SCML2: variants seen among roughly 807,000 people sequenced by gnomAD.
SCML2 encodes sex comb on midleg-like protein 2.
A neutral mutation model predicts 48.4 loss-of-function variants in SCML2; 6 were observed. That is an observed-to-expected ratio of 0.12 (90% confidence interval 0.07 to 0.24). The LOEUF (loss-of-function observed/expected upper bound fraction) is 0.24. SCML2 is among the 10% of genes least tolerant of loss of function. The probability of loss-of-function intolerance (pLI) is 1.00; values close to 1 mark genes in which losing one functional copy is unlikely to be tolerated. For synonymous variants in SCML2, 181 were observed against 189.5 expected (o/e 0.95, Z 0.37); for missense variants, 377 against 528.2 (o/e 0.71, Z 2.81).
chrX:18,264,733 T>G (rs1028569224), intron 8 of SCML2, among the ~76,000 whole-genome samples: 1 of 111,688 alleles, frequency 9.0e-6, no homozygotes, highest in Non-Finnish European at 1.9e-5. Context: ...TTACCTTGGC[T>G]GGACTTGAAC....
intron 3 of SCML2, among the ~76,000 whole-genome samples, chrX:18,328,546 C>T (rs752918838): frequency 1.8e-5 from 2 of 111,219 alleles, no homozygotes; most frequent in East Asian, 5.7e-4. Context: ...GTAGTGCACG[C>T]CTGTGGTCCC....
At chrX:18,245,853 C>T (rs769393398) in intron 13 of SCML2, among the ~76,000 whole-genome samples, 4 of 111,923 alleles carry the variant, frequency 3.6e-5, no homozygotes, top group African/African-American at 6.5e-5. Context: ...GATTCTCCTG[C>T]CTCGGGCTCC....
chrX:18,257,943 G>T, intron 10 of SCML2, 101 bp downstream of exon 10: 1 of 500,386 alleles, frequency 2.0e-6, no homozygotes, highest in Admixed American at 3.3e-5. Context: ...GGAGGGGAAA[G>T]GGGAAGGGGA....
intron 9 of SCML2, 36 bp from the exon 10 acceptor site, chrX:18,258,283 G>C (rs372416929): frequency 1.8e-6 from 2 of 1,087,349 alleles, no homozygotes; most frequent in Non-Finnish European, 2.5e-6. Context: ...ATAACAATGA[G>C]ACTGATTAAA....
At chrX:18,325,226 A>G (rs1036859147) in intron 3 of SCML2, among the ~76,000 whole-genome samples, 3 of 112,094 alleles carry the variant, frequency 2.7e-5, no homozygotes, top group African/African-American at 9.7e-5. Context: ...TCTCATTGTA[A>G]TGTGGACTAC....
chrX:18,312,072 G>A (rs1225182625), intron 6 of SCML2, among the ~76,000 whole-genome samples: 2 of 112,021 alleles, frequency 1.8e-5, no homozygotes, highest in Admixed American at 9.5e-5. Context: ...GATTACAGGC[G>A]TGAGGCACCA....
upstream of SCML2, among the ~76,000 whole-genome samples, chrX:18,354,945 G>A (rs778874681): frequency 4.1e-4 from 46 of 112,045 alleles, no homozygotes; most frequent in African/African-American, 1.4e-3. Context: ...AAGCACCCGA[G>A]GCCGTGGGGA....
chrX:18,322,510 G>A (rs1929351943), intron 5 of SCML2, among the ~76,000 whole-genome samples: 1 of 111,936 alleles, frequency 8.9e-6, no homozygotes. Context: ...ACAAATAAAC[G>A]ACAAAAGACG....
intron 1 of SCML2, among the ~76,000 whole-genome samples, chrX:18,349,662 T>C (rs962290655): frequency 9.0e-6 from 1 of 111,358 alleles, no homozygotes; most frequent in African/African-American, 3.3e-5. Flanking sequence ...CTGGGCATGG[T>C]TGCGCACGCC....
chrX:18,334,544 T>C (rs960386723), intron 1 of SCML2, among the ~76,000 whole-genome samples: 1 of 111,469 alleles, frequency 9.0e-6, no homozygotes, highest in African/African-American at 3.3e-5. Flanking sequence ...TGCCAAGAGG[T>C]ACAAGAATTA....
chrX:18,315,591 A>G (rs1929095038), intron 6 of SCML2, among the ~76,000 whole-genome samples: 1 of 111,334 alleles, frequency 9.0e-6, no homozygotes, highest in Non-Finnish European at 1.9e-5. Context: ...TGGACCATAG[A>G]GGAGGGGCTC....
chrX:18,279,946 C>T (rs1208115067), intron 7 of SCML2, among the ~76,000 whole-genome samples: 3 of 111,895 alleles, frequency 2.7e-5, no homozygotes, highest in Middle Eastern at 4.6e-3. Flanking sequence ...ATATATTTGA[C>T]GATACAGTCC....
chrX:18,319,812 G>A (rs964984424), intron 6 of SCML2, among the ~76,000 whole-genome samples: 2 of 111,096 alleles, frequency 1.8e-5, no homozygotes, highest in African/African-American at 6.6e-5. Context: ...GAGGTCATAA[G>A]GGTCGGCCTC....
intron 11 of SCML2, among the ~76,000 whole-genome samples, chrX:18,253,712 CTATT>C (rs1926744045): frequency 9.0e-6 from 1 of 111,391 alleles, no homozygotes; most frequent in Admixed American, 9.6e-5. Context: ...CATGATAACA[CTATT>C]TATAAGAGTA....
chrX:18,305,366 A>C, intron 6 of SCML2, 151 bp from the exon 7 acceptor site: 1 of 473,173 alleles, frequency 2.1e-6, no homozygotes, highest in Non-Finnish European at 3.5e-6. Flanking sequence ...GGAAGACAAC[A>C]GTTCTCACAG....
rs147024393 is a variant in SCML2 at position 18,349,516 on chromosome X, C to T, written c.-25+5076G>A. The stretch of plus-strand genomic sequence containing the variant: ...TATGTTAACACCTCTCCAGGCTGGG[C>T]GTGGTGGCTCACGCCTGTAATCCCA... On this transcript the variant is annotated intron_variant, in intron 1 of 14. Transcript: ENST00000251900. 8.2e-3 allele frequency among the ~76,000 whole-genome samples: 922 copies of T among 112,980 alleles called. 8 individuals are homozygous for T. The highest frequency in any genetic ancestry group is 0.027 in the African/African-American group (845 of 31,161).
At chrX:18,334,135 A>G in intron 1 of SCML2, 40 bp from the exon 2 acceptor site, 1 of 968,763 alleles carries the variant, frequency 1.0e-6, no homozygotes, top group Admixed American at 2.6e-5. Flanking sequence ...CTTTTAGCAT[A>G]TTAGATTTCT....
At chrX:18,354,327 C>G (rs1279847485) in intron 1 of SCML2, among the ~76,000 whole-genome samples, 7 of 112,569 alleles carry the variant, frequency 6.2e-5, no homozygotes, top group Non-Finnish European at 9.4e-5. Flanking sequence ...CGGCCGGGCG[C>G]CCAAACCCCG....
intron 1 of SCML2, among the ~76,000 whole-genome samples, chrX:18,348,025 A>C (rs1340888490): frequency 8.9e-6 from 1 of 112,089 alleles, no homozygotes; most frequent in Non-Finnish European, 1.9e-5. Context: ...TGCAATTTCA[A>C]AATGATTTAT....
Sources: gnomAD v4.1 joint callset for allele counts (sites outside exome capture counted in the v4.1 genomes callset) on GRCh38, gnomAD v4.1.1 for gene constraint, MANE v1.5 for transcripts, NCBI Gene and HGNC (gene_info 2026-07-23, HGNC 2026-07-21) for gene names.